Variants in ITGA4 observed in about 807,000 individuals in gnomAD.
ITGA4 encodes the protein integrin subunit alpha 4, also known as integrin alpha-4.
Under a neutral mutation model 133.6 loss-of-function variants are expected in ITGA4, and 63 were observed. The ratio of observed to expected loss-of-function variants is 0.47; its 90% CI spans 0.38 to 0.58. The LOEUF (loss-of-function observed/expected upper bound fraction) is 0.58. Among genes scored for constraint, ITGA4 ranks in the 20% least tolerant of loss-of-function variants. The pLI, the probability that ITGA4 is intolerant of heterozygous loss-of-function variation, is 0.00. For synonymous variants in ITGA4, 483 were observed against 438.0 expected, an observed-to-expected ratio of 1.10 and a Z score of -1.28; for missense variants, 1,076 against 1,252.7, an observed-to-expected ratio of 0.86 and a Z score of 2.13.
chr2:181,494,640 G>T (rs759019009), intron 11 of ITGA4, 82 bp from the exon 12 acceptor site: 2 of 787,350 alleles, frequency 2.5e-6, no homozygotes, highest in Non-Finnish European at 4.6e-6. Flanking sequence ...GCCTGGGAAA[G>T]CTCATTATTT....
At chr2:181,511,475 T>G (rs1686504506) in intron 16 of ITGA4, among the ~76,000 whole-genome samples, 3 of 152,072 alleles carry the variant, frequency 2.0e-5, no homozygotes, top group Admixed American at 2.0e-4. Context: ...GGGCTTTAAA[T>G]TTTACCTATT....
intron 10 of ITGA4, among the ~76,000 whole-genome samples, chr2:181,488,430 C>T (rs1225170306): frequency 1.3e-5 from 2 of 152,114 alleles, no homozygotes; most frequent in Admixed American, 6.5e-5. Context: ...TAAAATATTC[C>T]TGCATATTTT....
At chr2:181,502,463 G>T (rs999059371) in intron 15 of ITGA4, among the ~76,000 whole-genome samples, 1 of 152,042 alleles carries the variant, frequency 6.6e-6, no homozygotes, top group Non-Finnish European at 1.5e-5. Context: ...GAGAAGAGCT[G>T]GAACTAAATT....
intron 10 of ITGA4, chr2:181,493,077 C>A (rs155119): frequency 5.7e-6 from 2 of 349,024 alleles, no homozygotes; most frequent in Non-Finnish European, 1.0e-5. Context: ...GTAGAGCCCG[C>A]GCTCTAATCA....
chr2:181,525,113 G>A, intron 20 of ITGA4, 89 bp from the exon 21 acceptor site: 1 of 696,520 alleles, frequency 1.4e-6, no homozygotes, highest in Non-Finnish European at 2.5e-6. Flanking sequence ...AAACCTCTGA[G>A]TATATTAGGT....
chr2:181,525,669 ACTT>A (rs1686818816), intron 21 of ITGA4, among the ~76,000 whole-genome samples: 1 of 152,212 alleles, frequency 6.6e-6, no homozygotes, highest in Non-Finnish European at 1.5e-5. Flanking sequence ...AGAAGTGTGA[ACTT>A]AGTCAAATCA....
chr2:181,485,790 T>A (rs1685901171), intron 9 of ITGA4, 91 bp from the exon 10 acceptor site: 2 of 1,080,594 alleles, frequency 1.9e-6, no homozygotes, highest in South Asian at 2.9e-5. Flanking sequence ...TTTGACACAT[T>A]AGAAAAAATC....
intron 17 of ITGA4, among the ~76,000 whole-genome samples, chr2:181,512,307 CGG>C (rs1686522334): frequency 6.6e-6 from 1 of 151,948 alleles, no homozygotes; most frequent in Non-Finnish European, 1.5e-5. Context: ...GGCAGGGAAA[CGG>C]GGAACTATTT....
chr2:181,516,978 A>G lies in ITGA4; in HGVS notation c.1922+5203A>G, dbSNP rs1200967755. Among the ~76,000 whole-genome samples the G allele has an allele frequency of 1.3e-5, 2 of 152,084 alleles. No homozygotes were observed. The highest frequency in any genetic ancestry group is 2.9e-5 in the Non-Finnish European group (2 of 67,990). ...CTAAGACATGCTAATTACTGGTTCA[A>G]TCTTCCAATTTAAGTTTTTCTGCTG... On this transcript the variant is annotated intron_variant, in intron 17 of 27. Transcript: ENST00000397033. This position sits in a 1 kb window ranked among gnomAD's most constrained non-coding sequence, Gnocchi z 4.0.
At chr2:181,534,048 G>A (rs1012006096) in intron 25 of ITGA4, among the ~76,000 whole-genome samples, 1 of 152,154 alleles carries the variant, frequency 6.6e-6, no homozygotes, top group Non-Finnish European at 1.5e-5. Context: ...CAAGTTATTT[G>A]CAAGGTAGCT....
At chr2:181,489,287 T>A in intron 10 of ITGA4, among the ~76,000 whole-genome samples, 1 of 152,258 alleles carries the variant, frequency 6.6e-6, no homozygotes, top group East Asian at 1.9e-4. Flanking sequence ...GGAAAAAAAA[T>A]CAGACTCTAT....
At chr2:181,529,727 A>C (rs1341287873) in intron 23 of ITGA4, 79 bp downstream of exon 23, 7 of 737,506 alleles carry the variant, frequency 9.5e-6, no homozygotes, top group Non-Finnish European at 1.4e-5. Context: ...CCTTTATTCG[A>C]GTAATGATGT....
intron 21 of ITGA4, among the ~76,000 whole-genome samples, chr2:181,526,489 AAG>A (rs1217002781): frequency 8.5e-5 from 13 of 152,196 alleles, no homozygotes; most frequent in Non-Finnish European, 1.9e-4. Context: ...AGGCCTTTAA[AAG>A]AGAGTGACAG....
chr2:181,496,749 G>A (rs948787356), intron 14 of ITGA4, among the ~76,000 whole-genome samples: 1 of 152,202 alleles, frequency 6.6e-6, no homozygotes, highest in Non-Finnish European at 1.5e-5. Flanking sequence ...TGAGCCTGTG[G>A]TAGGAGAAGA....
intron 17 of ITGA4, among the ~76,000 whole-genome samples, chr2:181,513,848 A>AGCTACTTAAACTT (rs1254330065): frequency 6.6e-6 from 1 of 152,152 alleles, no homozygotes; most frequent in Non-Finnish European, 1.5e-5. Context: ...CCTGGTCTTC[A>AGCTACTTAAACTT]GCTACTTAAA....
intron 26 of ITGA4, 84 bp downstream of exon 26, chr2:181,534,454 C>T: frequency 1.2e-6 from 1 of 860,242 alleles, no homozygotes; most frequent in Non-Finnish European, 1.9e-6. Flanking sequence ...TTCTGAGTAA[C>T]TGAGTTGGGA....
intron 2 of ITGA4, among the ~76,000 whole-genome samples, chr2:181,471,324 A>T (rs1685545311): frequency 6.6e-6 from 1 of 152,198 alleles, no homozygotes; most frequent in East Asian, 1.9e-4. Flanking sequence ...GGATTATGAC[A>T]AAGATACAGT....
At chr2:181,493,268 G>A (rs1366267869) in intron 10 of ITGA4, 57 bp from the exon 11 acceptor site, 27 of 1,175,434 alleles carry the variant, frequency 2.3e-5, no homozygotes, top group East Asian at 9.5e-5. Context: ...GTTAGTTTTC[G>A]AAGTTGCATT....
At chr2:181,474,886 A>T (rs567292223) in intron 2 of ITGA4, 74 bp from the exon 3 acceptor site, 4 of 1,024,580 alleles carry the variant, frequency 3.9e-6, no homozygotes, top group Admixed American at 2.1e-5. Context: ...AATACTGGGG[A>T]TGAGTGCACA....
Sources: allele counts gnomAD v4.1 joint callset (sites outside exome capture counted in the v4.1 genomes callset), GRCh38; gene constraint gnomAD v4.1.1; non-coding constraint Gnocchi (gnomAD v3.1); transcripts MANE v1.5; gene names NCBI Gene and HGNC (gene_info 2026-07-23, HGNC 2026-07-21).